GFPT2: variants seen among roughly 807,000 people sequenced by gnomAD.
GFPT2 encodes the protein glutamine--fructose-6-phosphate transaminase 2, also known as glutamine--fructose-6-phosphate aminotransferase [isomerizing] 2.
GFPT2 carries 62 observed loss-of-function variants against 85.6 expected under a neutral mutation model. That is an observed-to-expected ratio of 0.72 (90% confidence interval 0.59 to 0.90). GFPT2 has a LOEUF of 0.90. Among genes scored for constraint, GFPT2 ranks in the 40% least tolerant of loss-of-function variants. The pLI is 0.00. For synonymous variants in GFPT2, 368 were observed against 344.5 expected, an observed-to-expected ratio of 1.07 and a Z score of -0.75; for missense variants, 788 against 893.4, an observed-to-expected ratio of 0.88 and a Z score of 1.50.
intron 4 of GFPT2, among the ~76,000 whole-genome samples, chr5:180,334,337 CTGCAGAG>C (rs965004233): frequency 5.3e-5 from 8 of 152,168 alleles, no homozygotes; most frequent in Non-Finnish European, 1.2e-4. Context: ...TGGTGAGGCC[CTGCAGAG>C]TGCTCTGGGG....
At chr5:180,314,291 G>T (rs1012096659) in intron 13 of GFPT2, among the ~76,000 whole-genome samples, 5 of 152,136 alleles carry the variant, frequency 3.3e-5, no homozygotes, top group African/African-American at 1.2e-4. Flanking sequence ...GTGACAGGTG[G>T]GCTTGGCTCC....
chr5:180,303,772 C>T (rs1436732879), intron 17 of GFPT2, among the ~76,000 whole-genome samples: 3 of 152,166 alleles, frequency 2.0e-5, no homozygotes, highest in African/African-American at 7.2e-5. Context: ...GAAGGGAGCT[C>T]CTGGCTTCTG....
At chr5:180,339,378 C>CAAA (rs34123923) in intron 1 of GFPT2, among the ~76,000 whole-genome samples, 810 of 64,880 alleles carry the variant, frequency 0.012, 12 homozygotes, top group Admixed American at 0.031. Context: ...GACTCTGTCT[C>CAAA]AAAAAAAAAA....
chr5:180,307,961 A>T (rs1335463057), intron 15 of GFPT2, among the ~76,000 whole-genome samples: 1 of 152,090 alleles, frequency 6.6e-6, no homozygotes, highest in East Asian at 1.9e-4. Flanking sequence ...AAATACAAAA[A>T]ATTAGCCGGG....
rs539541602 is a variant in GFPT2, at chr5:180,346,678, C to T, written c.7+6533G>A. 6.2e-4 allele frequency among the ~76,000 whole-genome samples: 95 copies of T among 152,354 alleles called. 1 individual carries two copies. Among genetic ancestry groups the T allele is most frequent in the African/African-American group, 2.1e-3 (88 of 41,578 alleles). ...CAGCCCAGTGCGTGCGCCCCTGGGGCCCCCAGGCCTATGCACATGTGATGC... is the reference window on the plus strand; with the variant it reads ...CAGCCCAGTGCGTGCGCCCCTGGGGTCCCCAGGCCTATGCACATGTGATGC... On this transcript the variant is annotated intron_variant, in intron 1 of 18. Coordinates refer to ENST00000253778, the MANE Select transcript of GFPT2 (RefSeq NM_005110.4).
At chr5:180,309,726 C>T (rs538502045) in intron 15 of GFPT2, among the ~76,000 whole-genome samples, 3 of 151,930 alleles carry the variant, frequency 2.0e-5, no homozygotes, top group Admixed American at 2.0e-4. Flanking sequence ...TAGAAAGGCG[C>T]TACGTGTACT....
chr5:180,329,558 C>T (rs534235017), intron 6 of GFPT2, among the ~76,000 whole-genome samples: 1 of 152,388 alleles, frequency 6.6e-6, no homozygotes, highest in Non-Finnish European at 1.5e-5. Flanking sequence ...GTGGGATAGG[C>T]TGTTTTTTAT....
chr5:180,305,545 G>A (rs1196701567), intron 16 of GFPT2, among the ~76,000 whole-genome samples: 1 of 152,160 alleles, frequency 6.6e-6, no homozygotes, highest in Non-Finnish European at 1.5e-5. Context: ...GCTGATTTAG[G>A]TCAGGGCCAC....
chr5:180,336,678 C>T (rs1764407890), intron 2 of GFPT2, 101 bp from the exon 3 acceptor site: 6 of 796,250 alleles, frequency 7.5e-6, no homozygotes, highest in Non-Finnish European at 1.1e-5. Flanking sequence ...CCGGGCTGTC[C>T]GTTTATGGCA....
At chr5:180,329,388 C>A (rs538015993) in intron 6 of GFPT2, among the ~76,000 whole-genome samples, 1 of 152,234 alleles carries the variant, frequency 6.6e-6, no homozygotes, top group East Asian at 1.9e-4. Context: ...ACGTTCTCTG[C>A]CAAAAAGAGC....
chr5:180,333,478 C>T (rs992047913), intron 4 of GFPT2, among the ~76,000 whole-genome samples: 4 of 152,248 alleles, frequency 2.6e-5, no homozygotes, highest in Non-Finnish European at 5.9e-5. Context: ...TCATGGTCCG[C>T]CCGCCTCGGC....
intron 15 of GFPT2, among the ~76,000 whole-genome samples, chr5:180,310,725 T>C (rs796726767): frequency 4.1e-4 from 62 of 150,128 alleles, no homozygotes; most frequent in African/African-American, 1.5e-3. Context: ...AGGCCATTCT[T>C]AAGGGAAACT....
chr5:180,303,179 G>A (rs961849574), intron 17 of GFPT2, among the ~76,000 whole-genome samples: 5 of 149,622 alleles, frequency 3.3e-5, no homozygotes, highest in South Asian at 2.1e-4. Context: ...GCAGTGAGCC[G>A]AGATGGCGCC....
At position 180,324,317 on chromosome 5, in the gene GFPT2, AG is replaced by A; in HGVS notation, c.677-13del. 7.0e-7 allele frequency: 1 copy of A among 1,427,446 alleles called. No homozygotes were observed. Among genetic ancestry groups the A allele is most frequent in the Non-Finnish European group, 9.8e-7 (1 of 1,020,812 alleles). The allele number at this position is 1,427,446 out of a possible 1,614,324, so 88.4% of individuals were successfully genotyped here. ...ATTCTCCAGAGTGCCTAGCAAATGG[AG>A]GAATGGGTTGCAAATCCCACTGGGA... On this transcript the variant is annotated splice_polypyrimidine_tract_variant and intron_variant, in intron 8 of 18. Transcript: ENST00000253778.
At chr5:180,347,631 G>A (rs962292556) in intron 1 of GFPT2, among the ~76,000 whole-genome samples, 4 of 152,122 alleles carry the variant, frequency 2.6e-5, no homozygotes, top group Non-Finnish European at 5.9e-5. Flanking sequence ...AGGAAGTCAG[G>A]AGCAAAGACA....
chr5:180,333,555 TA>T (rs1384560806), intron 4 of GFPT2, among the ~76,000 whole-genome samples: 3 of 152,342 alleles, frequency 2.0e-5, no homozygotes, highest in South Asian at 2.1e-4. Flanking sequence ...TTCTTTACAT[TA>T]TTCTCTTAAT....
At chr5:180,352,603 C>T in intron 1 of GFPT2, 1 of 448,798 alleles carries the variant, frequency 2.2e-6, no homozygotes. Context: ...TGCCTCTTCC[C>T]CGCGCAAAGA....
chr5:180,333,210 A>G (rs1455690181), intron 4 of GFPT2, among the ~76,000 whole-genome samples: 1 of 151,176 alleles, frequency 6.6e-6, no homozygotes, highest in African/African-American at 2.4e-5. Context: ...ATTTTTTTAT[A>G]TCTATGGTGA....
At chr5:180,350,472 C>A (rs1014925151) in intron 1 of GFPT2, among the ~76,000 whole-genome samples, 7 of 152,230 alleles carry the variant, frequency 4.6e-5, no homozygotes, top group Non-Finnish European at 8.8e-5. Context: ...CTGCCCTGAT[C>A]GGCATCCCGT....
Sources: allele counts gnomAD v4.1 joint callset (sites outside exome capture counted in the v4.1 genomes callset), GRCh38; gene constraint gnomAD v4.1.1; transcripts MANE v1.5; gene names NCBI Gene and HGNC (gene_info 2026-07-23, HGNC 2026-07-21).